HECW1: variants seen among roughly 807,000 people sequenced by gnomAD.
HECW1 encodes the protein HECT, C2 and WW domain containing E3 ubiquitin protein ligase 1.
A neutral mutation model predicts 182.3 loss-of-function variants in HECW1; 61 were observed. That is an observed-to-expected ratio of 0.33 (90% CI 0.27 to 0.41). HECW1 has a LOEUF of 0.41. Among genes scored for constraint, HECW1 ranks in the 10% least tolerant of loss-of-function variants. HECW1 has a pLI of 1.00. For missense variants in HECW1, 1,739 were observed against 2,108.9 expected (o/e 0.82, Z 3.44); for synonymous variants, 859 against 832.6 (o/e 1.03, Z -0.55).
chr7:43,451,638 G>A (rs758799310), intron 12 of HECW1, among the ~76,000 whole-genome samples: 7 of 152,068 alleles, frequency 4.6e-5, no homozygotes, highest in Non-Finnish European at 1.0e-4. Context: ...TGAAAGATTT[G>A]ACCTAGATAG....
At chr7:43,252,290 C>A (rs867661595) in intron 3 of HECW1, among the ~76,000 whole-genome samples, 2 of 152,162 alleles carry the variant, frequency 1.3e-5, no homozygotes, top group Admixed American at 6.6e-5. Context: ...GTATCCGTGT[C>A]AGTGAGGAGT....
intron 5 of HECW1, among the ~76,000 whole-genome samples, chr7:43,341,487 T>C (rs2152800558): frequency 6.6e-6 from 1 of 151,854 alleles, no homozygotes; most frequent in Non-Finnish European, 1.5e-5. Context: ...GTAAAAAATA[T>C]ATATCAGCTA....
intron 16 of HECW1, among the ~76,000 whole-genome samples, chr7:43,472,837 T>C (rs1223215236): frequency 6.6e-6 from 1 of 152,024 alleles, no homozygotes; most frequent in African/African-American, 2.4e-5. Context: ...AAATTTCCCA[T>C]CCTAAAAATG....
Position 43,456,296 on chromosome 7 carries a change from G to C in HECW1, c.2501-1G>C. ...CTTTTTGCCTTTTTATTAAACACTA[G>C]ACTGGGAAGCTCGAATTGACAGCCA... On this transcript the variant is annotated splice_acceptor_variant, in intron 12 of 29. Coordinates refer to ENST00000395891, the MANE Select transcript of HECW1 (RefSeq NM_015052.5). LOFTEE classifies it high-confidence loss of function. 6.2e-7 allele frequency: 1 copy of C among 1,610,744 alleles called. No homozygotes were observed. The highest frequency in any genetic ancestry group is 8.5e-7 in the Non-Finnish European group (1 of 1,177,706).
intron 22 of HECW1, 65 bp from the exon 23 acceptor site, chr7:43,507,953 C>T (rs1423417169): frequency 9.6e-6 from 11 of 1,147,772 alleles, no homozygotes; most frequent in Non-Finnish European, 1.4e-5. Context: ...ACTCACAACT[C>T]ACTTAGAACC....
chr7:43,318,727 C>T (rs1562829185), intron 4 of HECW1, among the ~76,000 whole-genome samples: 1 of 152,236 alleles, frequency 6.6e-6, no homozygotes, highest in African/African-American at 2.4e-5. Flanking sequence ...TCAGTCCAGC[C>T]AGATGCAGCA....
At chr7:43,205,978 C>T (rs1278136195) in intron 2 of HECW1, among the ~76,000 whole-genome samples, 1 of 152,156 alleles carries the variant, frequency 6.6e-6, no homozygotes, top group Non-Finnish European at 1.5e-5. Context: ...CCTCCCCATC[C>T]AGGACACCCT....
intron 24 of HECW1, among the ~76,000 whole-genome samples, chr7:43,534,756 T>C (rs2081115222): frequency 6.6e-6 from 1 of 152,240 alleles, no homozygotes; most frequent in African/African-American, 2.4e-5. Context: ...GGTACCATGA[T>C]ACATAAATGC....
intron 12 of HECW1, among the ~76,000 whole-genome samples, chr7:43,455,592 A>G (rs1172841079): frequency 1.3e-5 from 2 of 152,236 alleles, no homozygotes; most frequent in Non-Finnish European, 2.9e-5. Flanking sequence ...CTGTCGTTTG[A>G]GTAGCCAACA....
intron 24 of HECW1, 142 bp downstream of exon 24, chr7:43,509,263 G>T: frequency 1.4e-6 from 1 of 720,340 alleles, no homozygotes; most frequent in Admixed American, 3.1e-5. Flanking sequence ...CAGAGTCCAA[G>T]AAGGAAGAAT....
intron 7 of HECW1, among the ~76,000 whole-genome samples, chr7:43,398,136 A>G (rs1313497395): frequency 6.6e-6 from 1 of 152,122 alleles, no homozygotes; most frequent in African/African-American, 2.4e-5. Context: ...GGGCTCCTGT[A>G]GTCCCAGCTA....
chr7:43,241,867 C>A (rs1182006826), intron 2 of HECW1, among the ~76,000 whole-genome samples: 5 of 152,022 alleles, frequency 3.3e-5, no homozygotes, highest in African/African-American at 1.2e-4. Context: ...GTACTATTCC[C>A]AGGCCTCTGT....
intron 3 of HECW1, among the ~76,000 whole-genome samples, chr7:43,296,366 T>C (rs985043322): frequency 6.6e-6 from 1 of 152,236 alleles, no homozygotes; most frequent in East Asian, 1.9e-4. Context: ...TGGACTTCTC[T>C]CAGGCCTTTG....
chr7:43,550,744 C>G (rs1279999828), intron 27 of HECW1, among the ~76,000 whole-genome samples, 153 bp downstream of exon 27: 1 of 152,178 alleles, frequency 6.6e-6, no homozygotes, highest in Non-Finnish European at 1.5e-5. Flanking sequence ...GTGCTCCTCA[C>G]CAGGGAGTAC....
intron 2 of HECW1, among the ~76,000 whole-genome samples, chr7:43,237,069 AGGAG>A (rs1798418255): frequency 7.0e-6 from 1 of 141,930 alleles, no homozygotes; most frequent in Non-Finnish European, 1.5e-5. Context: ...AGGGAGGAGA[AGGAG>A]GGAGGGAGGG....
At chr7:43,560,143 C>G (rs2082163000) in intron 29 of HECW1, among the ~76,000 whole-genome samples, 1 of 152,152 alleles carries the variant, frequency 6.6e-6, no homozygotes. Context: ...GATTTTTCAC[C>G]CCACTTCGCC....
chr7:43,516,247 G>A (rs569792289), intron 24 of HECW1, among the ~76,000 whole-genome samples: 45 of 152,150 alleles, frequency 3.0e-4, no homozygotes, highest in African/African-American at 1.1e-3. Flanking sequence ...ATGTGTGGAA[G>A]GAAGGAAGGA....
chr7:43,562,966 G>A lies in HECW1; in HGVS notation c.*1040G>A. 1 of 210,480 alleles carries A rather than the reference G, an allele frequency of 4.8e-6. No homozygotes were observed. The highest frequency in any genetic ancestry group is 9.7e-6 in the Non-Finnish European group (1 of 103,590). 13.0% of individuals were successfully genotyped at this position (210,480 alleles called of 1,614,324 possible). A position where few individuals can be genotyped will look rare whatever the true frequency, so the allele number is the denominator to read the frequency against. Reference sequence around the variant, plus strand: ...AGCCATGACTTTTGTTTGCTTGGCAGACAAACCCTTTTTTTAAAACTTTGA... The same window carrying A: ...AGCCATGACTTTTGTTTGCTTGGCAAACAAACCCTTTTTTTAAAACTTTGA... On this transcript the variant is annotated 3_prime_UTR_variant, in exon 30 of 30. Transcript: ENST00000395891.
At position 43,481,861 on chromosome 7, in the gene HECW1, C is replaced by CTGTA. The variant is rs543174149; in HGVS notation, c.3234+2118_3234+2121dup. On this transcript the variant is annotated intron_variant, in intron 17 of 29. Transcript: ENST00000395891. Reference sequence around the variant, plus strand: ...ATTAGTCAGGCATGGTGGCGGGTGCCTGTAGTCCCAGCTACTCGGGAGGCT... The same window carrying CTGTA: ...ATTAGTCAGGCATGGTGGCGGGTGCCTGTATGTAGTCCCAGCTACTCGGGAGGCT... 3.6e-3 allele frequency among the ~76,000 whole-genome samples: 549 copies of CTGTA among 150,854 alleles called. 3 individuals are homozygous for CTGTA. Among genetic ancestry groups the CTGTA allele is most frequent in the African/African-American group, 0.012 (495 of 41,126 alleles).
Sources: gnomAD v4.1 joint callset for allele counts (sites outside exome capture counted in the v4.1 genomes callset) on GRCh38, gnomAD v4.1.1 for gene constraint, MANE v1.5 for transcripts, NCBI Gene and HGNC (gene_info 2026-07-23, HGNC 2026-07-21) for gene names.